Variants in HAVCR1 observed in about 807,000 individuals in gnomAD.
HAVCR1 encodes T cell immunoglobin domain and mucin domain protein 1.
A neutral mutation model predicts 32.0 loss-of-function variants in HAVCR1; 34 were observed. The ratio of observed to expected loss-of-function variants is 1.06; its 90% CI spans 0.81 to 1.42. HAVCR1 has a LOEUF of 1.42. Ranked by LOEUF, HAVCR1 falls within the 40% of genes most tolerant of loss-of-function variation. HAVCR1 has a pLI of 0.00. For synonymous variants in HAVCR1, 178 were observed against 170.3 expected (o/e 1.05, Z -0.35); for missense variants, 420 against 442.3 (o/e 0.95, Z 0.45).
chr5:157,056,483 C>T (rs974469612), intron 2 of HAVCR1, among the ~76,000 whole-genome samples: 7 of 150,698 alleles, frequency 4.6e-5, no homozygotes, highest in African/African-American at 1.7e-4. Flanking sequence ...AGGTTCACGC[C>T]ATTCTCCCGC....
At chr5:157,068,436 A>T in the HAVCR1 span, among the ~76,000 whole-genome samples, 10 of 152,082 alleles carry the variant, frequency 6.6e-5, no homozygotes, top group East Asian at 1.9e-3. Context: ...AAATTTTTTT[A>T]ATTAGCCGGG....
chr5:157,049,298 G>A (rs1017505715), intron 4 of HAVCR1, 153 bp from the exon 5 acceptor site: 21 of 639,606 alleles, frequency 3.3e-5, no homozygotes, highest in African/African-American at 7.3e-5. Context: ...GGCTTCTACC[G>A]ACCCACTTCT....
intron 8 of HAVCR1, among the ~76,000 whole-genome samples, chr5:157,032,312 A>G (rs928139175): frequency 2.0e-5 from 3 of 152,154 alleles, no homozygotes; most frequent in Non-Finnish European, 2.9e-5. Flanking sequence ...GGAGGTCAGG[A>G]GTTTGAAACC....
the HAVCR1 span, among the ~76,000 whole-genome samples, chr5:157,066,272 A>G: frequency 2.0e-5 from 3 of 152,148 alleles, no homozygotes. Context: ...GAGCCCCAGT[A>G]CTTTATACTG....
At chr5:157,067,930 G>A in the HAVCR1 span, among the ~76,000 whole-genome samples, 7 of 151,682 alleles carry the variant, frequency 4.6e-5, no homozygotes, top group South Asian at 4.2e-4. Flanking sequence ...TGCCTGCCTC[G>A]GCCTCCCAAA....
At chr5:157,044,129 C>G (rs1025694397) in intron 5 of HAVCR1, among the ~76,000 whole-genome samples, 1 of 151,960 alleles carries the variant, frequency 6.6e-6, no homozygotes, top group Non-Finnish European at 1.5e-5. Context: ...GTCAGGAGTT[C>G]AAGATCAGCC....
upstream of HAVCR1, among the ~76,000 whole-genome samples, chr5:157,063,962 C>T (rs1366488111): frequency 2.6e-5 from 4 of 152,110 alleles, no homozygotes; most frequent in Admixed American, 6.5e-5. Context: ...TGCAACAGAG[C>T]GAGGGACAGG....
At chr5:157,046,425 G>A (rs1426928772) in intron 5 of HAVCR1, among the ~76,000 whole-genome samples, 2 of 152,156 alleles carry the variant, frequency 1.3e-5, no homozygotes, top group Admixed American at 6.6e-5. Flanking sequence ...AGGAAAGACA[G>A]GTCAATTCTA....
chr5:157,049,201 A>T (rs1319149387), intron 4 of HAVCR1, 56 bp from the exon 5 acceptor site: 1 of 1,025,638 alleles, frequency 9.8e-7, no homozygotes, highest in South Asian at 1.3e-5. Flanking sequence ...TGTGCACCCC[A>T]AGAAAAATAA....
chr5:157,063,871 A>T (rs1465079775), upstream of HAVCR1, among the ~76,000 whole-genome samples: 1 of 152,242 alleles, frequency 6.6e-6, no homozygotes, highest in Non-Finnish European at 1.5e-5. Flanking sequence ...AACGCTTTCC[A>T]TGGAGACAGA....
In HAVCR1 at chr5:157,055,335, T is replaced by G. The variant is rs199873509; in HGVS notation, c.245A>C (p.Asp82Ala). 1.2e-5 allele frequency: 19 copies of G among 1,612,854 alleles called. No individual in the cohort carries two copies. Among genetic ancestry groups the G allele is most frequent in the Non-Finnish European group, 1.6e-5 (19 of 1,178,912 alleles). ...RKDTRYKLLG[D>A]LSRRDVSLTI... ...CAAAGAGACATCCCTTCTTGAAAGG[T>G]CCCCCAATAGCTTATAGCGTGTGTC... The change falls in exon 3 of 9, where the codon GAC becomes GCC. Residue 82 changes from aspartate (D) to alanine (A), a missense_variant. Transcript: ENST00000523175.
At chr5:157,036,605 A>T (rs1411420924) in intron 7 of HAVCR1, among the ~76,000 whole-genome samples, 1 of 152,230 alleles carries the variant, frequency 6.6e-6, no homozygotes, top group Non-Finnish European at 1.5e-5. Context: ...ATTTATAGAG[A>T]TTTATGGCAA....
intron 8 of HAVCR1, among the ~76,000 whole-genome samples, chr5:157,031,916 G>C (rs1236407413): frequency 6.6e-6 from 1 of 152,132 alleles, no homozygotes; most frequent in African/African-American, 2.4e-5. Flanking sequence ...GGCTGGGTAG[G>C]GAGCAGCAGG....
At chr5:157,069,401 C>T in the HAVCR1 span, among the ~76,000 whole-genome samples, 1 of 152,218 alleles carries the variant, frequency 6.6e-6, no homozygotes, top group Admixed American at 6.5e-5. Context: ...CTCCCTCCTC[C>T]TGGTCTGTTT....
At chr5:157,031,253 G>A (rs1754154174) in intron 8 of HAVCR1, among the ~76,000 whole-genome samples, 2 of 152,182 alleles carry the variant, frequency 1.3e-5, no homozygotes, top group South Asian at 4.1e-4. Context: ...CTTACAGTAT[G>A]CTGGGCACTG....
chr5:157,059,865 C>T (rs1419803513), upstream of HAVCR1, among the ~76,000 whole-genome samples: 2 of 151,512 alleles, frequency 1.3e-5, no homozygotes, highest in African/African-American at 2.4e-5. Context: ...TGTACCTGAC[C>T]GTAGTCCCAG....
chr5:157,051,034 T>C (rs1163365877), intron 4 of HAVCR1, among the ~76,000 whole-genome samples: 1 of 152,202 alleles, frequency 6.6e-6, no homozygotes, highest in East Asian at 1.9e-4. Context: ...GAATCTCCAC[T>C]AAAAGTTATC....
At chr5:157,058,056 G>T in intron 1 of HAVCR1, 101 bp from the exon 2 acceptor site, 1 of 837,912 alleles carries the variant, frequency 1.2e-6, no homozygotes, top group South Asian at 1.5e-5. Context: ...CACCCAGTTG[G>T]TTGATTCATA....
chr5:157,035,136 TAAA>T (rs1218251289), intron 7 of HAVCR1, among the ~76,000 whole-genome samples: 1 of 152,180 alleles, frequency 6.6e-6, no homozygotes, highest in Non-Finnish European at 1.5e-5. Context: ...GTACACATAA[TAAA>T]TATGTATTCA....
Sources: gnomAD v4.1 joint callset for allele counts (sites outside exome capture counted in the v4.1 genomes callset) on GRCh38, gnomAD v4.1.1 for gene constraint, MANE v1.5 for transcripts, NCBI Gene and HGNC (gene_info 2026-07-23, HGNC 2026-07-21) for gene names.